Variants in EML1 observed in about 807,000 individuals in gnomAD.
The protein encoded by EML1 is EMAP like 1.
A neutral mutation model predicts 110.4 loss-of-function variants in EML1; 27 were observed. The ratio of observed to expected loss-of-function variants is 0.24; its 90% CI spans 0.18 to 0.34. The LOEUF is 0.34. EML1 is among the 10% of genes least tolerant of loss of function. EML1 has a pLI of 1.00. For missense variants in EML1, 741 were observed against 1,030.9 expected (o/e 0.72, Z 3.85); for synonymous variants, 344 against 385.8 (o/e 0.89, Z 1.27).
chr14:99,767,354 A>G, intron 1 of EML1, among the ~76,000 whole-genome samples: 1 of 152,256 alleles, frequency 6.6e-6, no homozygotes, highest in Non-Finnish European at 1.5e-5. Context: ...CTGTAATCCC[A>G]ACACTTTGGG....
At position 99,936,565 on chromosome 14, in the gene EML1, G is replaced by A. The variant is rs567886112; in HGVS notation, c.2095+231G>A. On this transcript the variant is annotated intron_variant, in intron 19 of 21. Coordinates refer to ENST00000262233, the MANE Select transcript of EML1 (RefSeq NM_004434.3). This position sits in a 1 kb window ranked among gnomAD's most constrained non-coding sequence, Gnocchi z 5.5. The stretch of plus-strand genomic sequence containing the variant: ...CTATGGAGGAGAAGATCCAGGGCCT[G>A]CCCCAAGGGGAAGAAGGCCAAGCCC... Among the ~76,000 whole-genome samples, 1 of 152,282 alleles carries A rather than the reference G, an allele frequency of 6.6e-6. No homozygotes were observed. The highest frequency in any genetic ancestry group is 2.4e-5 in the African/African-American group (1 of 41,562).
chr14:99,773,473 G>T (rs1202809459), exon 1 of EML1: 2 of 152,268 alleles, frequency 1.3e-5, no homozygotes, highest in South Asian at 4.1e-4. Flanking sequence ...AGGGGTGGAC[G>T]TTGCCCAGGA....
rs2059284117 is a variant in EML1, at chr14:99,875,955, T to C, written c.384-2530T>C. On this transcript the variant is annotated intron_variant, in intron 3 of 21. Coordinates refer to ENST00000262233, the MANE Select transcript of EML1 (RefSeq NM_004434.3). Reference sequence around the variant, plus strand: ...ATTCTGGCACTGTCCACTCAGGGGTTCCCCAGTTAACAAAAAGACTATGTG... The same window carrying C: ...ATTCTGGCACTGTCCACTCAGGGGTCCCCCAGTTAACAAAAAGACTATGTG... Among the ~76,000 whole-genome samples the C allele has an allele frequency of 1.3e-5, 2 of 152,134 alleles. 1 individual carries two copies. The highest frequency in any genetic ancestry group is 4.1e-4 in the South Asian group (2 of 4,826).
intron 3 of EML1, among the ~76,000 whole-genome samples, chr14:99,871,949 C>T (rs1319984033): frequency 6.6e-6 from 1 of 152,200 alleles, no homozygotes; most frequent in Non-Finnish European, 1.5e-5. Flanking sequence ...GTGCGCCTTC[C>T]ATTGTGCTCG....
At chr14:99,894,800 GTCAA>G in intron 6 of EML1, 42 bp downstream of exon 6, 1 of 1,574,290 alleles carries the variant, frequency 6.4e-7, no homozygotes, top group Non-Finnish European at 8.6e-7. Context: ...GAAGTTATCA[GTCAA>G]TCAATGCTTG....
chr14:99,825,710 T>G (rs921760872), intron 1 of EML1, among the ~76,000 whole-genome samples: 3 of 152,328 alleles, frequency 2.0e-5, no homozygotes, highest in African/African-American at 7.2e-5. Flanking sequence ...ACTAGGAGTT[T>G]ATTGCAAGTT....
chr14:99,822,223 G>C (rs559765220), intron 1 of EML1, among the ~76,000 whole-genome samples: 1 of 152,204 alleles, frequency 6.6e-6, no homozygotes, highest in East Asian at 1.9e-4. Flanking sequence ...TCCACCTTTT[G>C]AGACCATAGC....
chr14:99,807,751 AG>A (rs2058004782), intron 1 of EML1, among the ~76,000 whole-genome samples: 1 of 152,192 alleles, frequency 6.6e-6, no homozygotes, highest in African/African-American at 2.4e-5. Context: ...CGGGGTCTGC[AG>A]GGCAGGCTTG....
chr14:99,762,640 A>AT (rs1465601984), intron 1 of EML1, among the ~76,000 whole-genome samples: 4 of 152,198 alleles, frequency 2.6e-5, no homozygotes, highest in African/African-American at 9.7e-5. Context: ...CGTACAAAAA[A>AT]TTTTTTAAAG....
intron 1 of EML1, among the ~76,000 whole-genome samples, chr14:99,826,670 G>A (rs757111234): frequency 6.6e-5 from 10 of 151,748 alleles, no homozygotes; most frequent in African/African-American, 2.4e-4. Flanking sequence ...GTGTAACACC[G>A]TGGTAGGGTC....
intron 3 of EML1, among the ~76,000 whole-genome samples, chr14:99,870,963 CA>C (rs1305174076): frequency 6.6e-6 from 1 of 151,074 alleles, no homozygotes; most frequent in Non-Finnish European, 1.5e-5. Context: ...TAGGAAATAA[CA>C]TTTTTTTTTT....
At chr14:99,749,890 T>C (rs1300257024) in intron 1 of EML1, among the ~76,000 whole-genome samples, 2 of 152,276 alleles carry the variant, frequency 1.3e-5, no homozygotes, top group East Asian at 1.9e-4. Flanking sequence ...TGGGGAATTA[T>C]TGGGCCTCTG....
chr14:99,897,081 G>A, intron 6 of EML1, 64 bp from the exon 7 acceptor site: 8 of 1,403,326 alleles, frequency 5.7e-6, no homozygotes, highest in Non-Finnish European at 7.6e-6. Flanking sequence ...TGTGCCTGTT[G>A]AATAAAGCTG....
At chr14:99,763,343 G>T (rs540251109) in intron 1 of EML1, among the ~76,000 whole-genome samples, 1 of 152,118 alleles carries the variant, frequency 6.6e-6, no homozygotes, top group African/African-American at 2.4e-5. Context: ...TATACTCACC[G>T]CTTCTCCAGA....
At chr14:99,833,760 A>G (rs1187392412) in intron 1 of EML1, among the ~76,000 whole-genome samples, 2 of 152,146 alleles carry the variant, frequency 1.3e-5, no homozygotes, top group Non-Finnish European at 2.9e-5. Flanking sequence ...AGCATTTCAT[A>G]TTTTTGATAA....
intron 17 of EML1, among the ~76,000 whole-genome samples, chr14:99,921,774 A>G (rs2060134390): frequency 6.6e-6 from 1 of 152,196 alleles, no homozygotes; most frequent in Non-Finnish European, 1.5e-5. Flanking sequence ...ACAATAATGA[A>G]CCATTATAAA....
chr14:99,825,182 T>G (rs2058332162), intron 1 of EML1, among the ~76,000 whole-genome samples: 1 of 152,086 alleles, frequency 6.6e-6, no homozygotes, highest in Non-Finnish European at 1.5e-5. Flanking sequence ...ATGGGGGTCT[T>G]GCTATGTTGC....
chr14:99,869,331 G>A (rs1281933605), intron 3 of EML1, among the ~76,000 whole-genome samples: 1 of 152,080 alleles, frequency 6.6e-6, no homozygotes, highest in African/African-American at 2.4e-5. Context: ...GATCTTTGGT[G>A]TTAATACTGT....
At chr14:99,875,125 A>G in intron 3 of EML1, 1 of 715,410 alleles carries the variant, frequency 1.4e-6, no homozygotes, top group Non-Finnish European at 2.2e-6. Flanking sequence ...TATATTAATC[A>G]TTGACATTTA....
Sources: gnomAD v4.1 joint callset for allele counts (sites outside exome capture counted in the v4.1 genomes callset) on GRCh38, gnomAD v4.1.1 for gene constraint, Gnocchi (gnomAD v3.1) non-coding constraint, MANE v1.5 for transcripts, NCBI Gene and HGNC (gene_info 2026-07-23, HGNC 2026-07-21) for gene names.